The following SKI variants were observed in gnomAD, a reference collection of about 807,000 sequenced individuals.
SKI encodes ski oncogene.
In SKI, 23 loss-of-function variants were observed where a neutral mutation model predicts 59.3. The ratio of observed to expected loss-of-function variants is 0.39; its 90% CI spans 0.28 to 0.55. The LOEUF is 0.55. SKI is among the 20% of genes least tolerant of loss of function. The pLI, the probability that SKI is intolerant of heterozygous loss-of-function variation, is 0.67. For synonymous variants in SKI, 673 were observed against 488.6 expected, an observed-to-expected ratio of 1.38 and a Z score of -4.98; for missense variants, 1,017 against 1,038.9, an observed-to-expected ratio of 0.98 and a Z score of 0.29.
intron 1 of SKI, among the ~76,000 whole-genome samples, chr1:2,298,065 GA>G: frequency 6.6e-6 from 1 of 152,312 alleles, no homozygotes; most frequent in Admixed American, 6.5e-5. Context: ...TGTGGAGACG[GA>G]AGCCTGACCC....
rs1467054866 is a variant in SKI, at chr1:2,228,502, G to C, written c.-265G>C. Among the ~76,000 whole-genome samples, 6 of 143,134 alleles carry C rather than the reference G, an allele frequency of 4.2e-5. No homozygotes were observed. In the East Asian group the frequency reaches 1.3e-3, roughly 30 times the overall value. 93.9% of individuals were successfully genotyped at this position (143,134 alleles called of 152,430 possible). ...CGCGCGGGGGACGCGCGGGGGGCCCGGGCGGCGGCGGGCGCGGCGCGGGGC... is the reference window on the plus strand; with the variant it reads ...CGCGCGGGGGACGCGCGGGGGGCCCCGGCGGCGGCGGGCGCGGCGCGGGGC... On this transcript the variant is annotated 5_prime_UTR_variant, in exon 1 of 7. Coordinates refer to ENST00000378536, the MANE Select transcript of SKI (RefSeq NM_003036.4).
chr1:2,303,216 G>A lies in SKI; in HGVS notation c.1096-69G>A, dbSNP rs192162787. ...CCGCTACTGAGGGCTGGCACCCGGCGCAGCCTCAGGGACATGAAGTGGCTT... is the reference window on the plus strand; with the variant it reads ...CCGCTACTGAGGGCTGGCACCCGGCACAGCCTCAGGGACATGAAGTGGCTT... On this transcript the variant is annotated intron_variant, in intron 2 of 6. Coordinates refer to ENST00000378536, the MANE Select transcript of SKI (RefSeq NM_003036.4). The surrounding 1 kb of genome is among the most constrained non-coding windows in gnomAD (Gnocchi z 5.6). 3.8e-6 allele frequency: 6 copies of A among 1,596,512 alleles called. No individual in the cohort carries two copies. Among genetic ancestry groups the A allele is most frequent in the East Asian group, 2.2e-5 (1 of 44,806 alleles).
intron 1 of SKI, among the ~76,000 whole-genome samples, chr1:2,290,344 T>C (rs1258765616): frequency 3.9e-5 from 6 of 152,038 alleles, no homozygotes; most frequent in African/African-American, 1.4e-4. Context: ...TGTGAGCTGA[T>C]TGGGGGTAGG....
rs182600375 is a variant in SKI at position 2,303,419 on chromosome 1, C to T, written c.1211+19C>T. 2.8e-4 allele frequency: 454 copies of T among 1,596,434 alleles called. 2 individuals are homozygous for T. The African/African-American group carries it at 5.4e-3, about 19-fold the overall frequency. On this transcript the variant is annotated intron_variant, in intron 3 of 6. Transcript: ENST00000378536. This position sits in a 1 kb window ranked among gnomAD's most constrained non-coding sequence, Gnocchi z 5.6. The stretch of plus-strand genomic sequence containing the variant: ...GAGACAGGTGAGTGGGCGCCATTCA[C>T]AGGTGTTTCTGATCACGGGGGAGGC...
intron 1 of SKI, among the ~76,000 whole-genome samples, chr1:2,286,379 G>T (rs1217473140): frequency 6.6e-6 from 1 of 152,136 alleles, no homozygotes; most frequent in Non-Finnish European, 1.5e-5. Flanking sequence ...TGTAGGCCCA[G>T]CTACTCTAGA....
In SKI at chr1:2,268,372, T is replaced by A. The variant is rs2100849416; in HGVS notation, c.970-34606T>A. On this transcript the variant is annotated intron_variant, in intron 1 of 6. Transcript: ENST00000378536. This position sits in a 1 kb window ranked among gnomAD's most constrained non-coding sequence, Gnocchi z 5.0. Reference sequence around the variant, plus strand: ...TGGCCCGGGTGTGGGGTCCTGGTGCTCTGTGGCCTGGGACACCCGTGCTTC... The same window carrying A: ...TGGCCCGGGTGTGGGGTCCTGGTGCACTGTGGCCTGGGACACCCGTGCTTC... Among the ~76,000 whole-genome samples the A allele has an allele frequency of 6.6e-6, 1 of 152,258 alleles. No homozygotes were observed. Among genetic ancestry groups the A allele is most frequent in the South Asian group, 2.1e-4 (1 of 4,820 alleles).
At position 2,228,905 on chromosome 1, in the gene SKI, T is replaced by C. The variant is rs1303337266; in HGVS notation, c.139T>C (p.Tyr47His). Residue 47 changes from tyrosine (Y) to histidine (H), a missense_variant, in exon 1 of 7, where the codon TAC (tyrosine) becomes CAC (histidine). Transcript: ENST00000378536. ...AFSARWAQEA[Y>H]KKESAKEAGA... ...CTCGGCGCGCTGGGCGCAGGAGGCC[T>C]ACAAGAAGGAGAGCGCCAAGGAGGC... 4 of 1,410,720 alleles carry C rather than the reference T, an allele frequency of 2.8e-6. No individual in the cohort carries two copies. In the African/African-American group the frequency reaches 4.5e-5, roughly 16 times the overall value. The allele number at this position is 1,410,720 out of a possible 1,614,324, so 87.4% of individuals were successfully genotyped here.
chr1:2,277,737 C>T (rs1639775259), intron 1 of SKI, among the ~76,000 whole-genome samples: 1 of 149,266 alleles, frequency 6.7e-6, no homozygotes, highest in African/African-American at 2.5e-5. Flanking sequence ...GTGCACACAC[C>T]TGCACTCACA....
intron 1 of SKI, among the ~76,000 whole-genome samples, chr1:2,247,079 G>C (rs1038571146): frequency 1.3e-5 from 2 of 152,320 alleles, no homozygotes; most frequent in Non-Finnish European, 2.9e-5. Context: ...AAGTTAGCCA[G>C]GTGTGGTGGC....
At position 2,303,840 on chromosome 1, in the gene SKI, C is replaced by A. The variant is rs747348572; in HGVS notation, c.1212C>A (p.Ser404Arg). 1.2e-6 allele frequency: 2 copies of A among 1,612,476 alleles called. No individual in the cohort carries two copies. Among genetic ancestry groups the A allele is most frequent in the Non-Finnish European group, 1.7e-6 (2 of 1,179,756 alleles). The part of the protein sequence containing the change: ...SPHLPALIRD[S>R]FYSYKSFETA... ...TCCCGACACCCGCCTGCCCCTCCAG[C>A]TTCTACTCCTACAAGAGCTTTGAGA... The change falls in exon 4 of 7, where the codon AGC (serine) becomes AGA (arginine). Residue 404 changes from serine to arginine, a missense_variant and splice_region_variant. By Grantham distance (110) the Ser-to-Arg change is moderately radical. Coordinates refer to ENST00000378536, the MANE Select transcript of SKI (RefSeq NM_003036.4). The surrounding 1 kb of genome is among the most constrained non-coding windows in gnomAD (Gnocchi z 5.6).
intron 1 of SKI, among the ~76,000 whole-genome samples, chr1:2,238,745 G>T (rs778132930): frequency 1.8e-4 from 27 of 152,266 alleles, no homozygotes; most frequent in Non-Finnish European, 3.2e-4. Context: ...CGCTGCCTGT[G>T]TCCTGTGGGC....
chr1:2,268,334 G>A lies in SKI; in HGVS notation c.970-34644G>A, dbSNP rs940617993. Among the ~76,000 whole-genome samples, 1 of 152,228 alleles carries A rather than the reference G, an allele frequency of 6.6e-6. No individual in the cohort carries two copies. The highest frequency in any genetic ancestry group is 2.4e-5 in the African/African-American group (1 of 41,462). On this transcript the variant is annotated intron_variant, in intron 1 of 6. Coordinates refer to ENST00000378536, the MANE Select transcript of SKI (RefSeq NM_003036.4). This position sits in a 1 kb window ranked among gnomAD's most constrained non-coding sequence, Gnocchi z 5.0. Reference sequence around the variant, plus strand: ...GCTCCTGGTAGGGTTTGGGTGGGCTGAACCCTGCACCCTGGCCCGGGTGTG... The same window carrying A: ...GCTCCTGGTAGGGTTTGGGTGGGCTAAACCCTGCACCCTGGCCCGGGTGTG...
intron 1 of SKI, among the ~76,000 whole-genome samples, chr1:2,237,865 G>A (rs901293327): frequency 1.6e-4 from 24 of 152,240 alleles, no homozygotes; most frequent in African/African-American, 5.3e-4. Context: ...GAGGGCCCCG[G>A]GAGGCTGGCG....
chr1:2,261,394 C>T (rs544259327), intron 1 of SKI, among the ~76,000 whole-genome samples: 1 of 152,142 alleles, frequency 6.6e-6, no homozygotes, highest in Non-Finnish European at 1.5e-5. Context: ...GGGAGTTTTC[C>T]GACCAACGGA....
intron 1 of SKI, among the ~76,000 whole-genome samples, chr1:2,280,834 A>G (rs56760456): frequency 1.7e-4 from 1 of 5,948 alleles, no homozygotes; most frequent in Non-Finnish European, 3.2e-4. Flanking sequence ...ACGCCCGAGA[A>G]GACAGGCGGC....
intron 1 of SKI, among the ~76,000 whole-genome samples, chr1:2,242,563 G>C (rs556973631): frequency 6.6e-6 from 1 of 152,330 alleles, no homozygotes; most frequent in African/African-American, 2.4e-5. Context: ...TCTGTCATCT[G>C]TGTTGGAGTG....
chr1:2,270,967 G>A lies in SKI; in HGVS notation c.970-32011G>A, dbSNP rs1337726766. Among the ~76,000 whole-genome samples the A allele has an allele frequency of 6.6e-6, 1 of 152,216 alleles. No homozygotes were observed. Among genetic ancestry groups the A allele is most frequent in the African/African-American group, 2.4e-5 (1 of 41,466 alleles). On this transcript the variant is annotated intron_variant, in intron 1 of 6. Transcript: ENST00000378536. The surrounding 1 kb of genome is among the most constrained non-coding windows in gnomAD (Gnocchi z 4.1). The stretch of plus-strand genomic sequence containing the variant: ...TTTCCCTGTGAATGAGCCGATGGCC[G>A]CAAGTGCCTGGCCTCAGGCCTGGGC...
chr1:2,259,098 A>G (rs1639330675), intron 1 of SKI, among the ~76,000 whole-genome samples: 1 of 152,154 alleles, frequency 6.6e-6, no homozygotes, highest in Non-Finnish European at 1.5e-5. Flanking sequence ...GAGAATGTGC[A>G]TCTCTAGCAA....
chr1:2,231,796 C>T (rs1050070066), intron 1 of SKI, among the ~76,000 whole-genome samples: 1 of 152,242 alleles, frequency 6.6e-6, no homozygotes, highest in Non-Finnish European at 1.5e-5. Flanking sequence ...TTCCTCTCCT[C>T]ATGCTCCTGG....
Sources: allele counts gnomAD v4.1 joint callset (sites outside exome capture counted in the v4.1 genomes callset), GRCh38; gene constraint gnomAD v4.1.1; non-coding constraint Gnocchi (gnomAD v3.1); transcripts MANE v1.5; gene names NCBI Gene and HGNC (gene_info 2026-07-23, HGNC 2026-07-21).